The following RHBDD1 variants were observed in gnomAD, a reference collection of about 807,000 sequenced individuals.
RHBDD1 encodes rhomboid-related protein 4.
In RHBDD1, 38 loss-of-function variants were observed where a neutral mutation model predicts 36.3. That is an observed-to-expected ratio of 1.05 (90% CI 0.81 to 1.37). The LOEUF (loss-of-function observed/expected upper bound fraction) is 1.37. Ranked by LOEUF, RHBDD1 falls within the 40% of genes most tolerant of loss-of-function variation. The pLI is 0.00. For synonymous variants in RHBDD1, 151 were observed against 136.5 expected (o/e 1.11, Z -0.74); for missense variants, 393 against 377.6 (o/e 1.04, Z -0.34).
chr2:226,816,390 A>AAG, the RHBDD1 span, among the ~76,000 whole-genome samples: 40 of 149,390 alleles, frequency 2.7e-4, no homozygotes, highest in African/African-American at 9.6e-4. Context: ...AAAAAAAAAA[A>AAG]AAAAAAGAAA....
At chr2:226,908,569 T>G (rs1575056223) in intron 6 of RHBDD1, 1 of 424,160 alleles carries the variant, frequency 2.4e-6, no homozygotes, top group African/African-American at 2.1e-5. Flanking sequence ...TAAATTAGGG[T>G]TTCATTTTCC....
At chr2:226,817,639 C>T in the RHBDD1 span, among the ~76,000 whole-genome samples, 1 of 152,208 alleles carries the variant, frequency 6.6e-6, no homozygotes, top group African/African-American at 2.4e-5. Context: ...CCAAATTCGC[C>T]CTGTTTAAAC....
At chr2:226,843,794 T>G (rs947169686) in intron 3 of RHBDD1, among the ~76,000 whole-genome samples, 2 of 152,126 alleles carry the variant, frequency 1.3e-5, no homozygotes, top group Non-Finnish European at 2.9e-5. Flanking sequence ...ATAGAAGGAG[T>G]TGGGGAGGAG....
chr2:226,945,327 A>C (rs923352326), intron 8 of RHBDD1, among the ~76,000 whole-genome samples: 1 of 151,916 alleles, frequency 6.6e-6, no homozygotes, highest in Non-Finnish European at 1.5e-5. Flanking sequence ...ACGCCCTGAC[A>C]GGCCCGGGTG....
intron 8 of RHBDD1, among the ~76,000 whole-genome samples, chr2:226,931,522 A>G (rs1262762257): frequency 1.3e-5 from 2 of 152,030 alleles, no homozygotes; most frequent in Non-Finnish European, 2.9e-5. Flanking sequence ...TGAGAGATTA[A>G]AAAGCCTACA....
chr2:226,919,809 C>T (rs1031935497), intron 8 of RHBDD1, among the ~76,000 whole-genome samples: 3 of 151,894 alleles, frequency 2.0e-5, no homozygotes, highest in African/African-American at 7.3e-5. Context: ...TATTCTTGGT[C>T]TTCTGTGGTC....
chr2:226,851,979 C>T (rs904778971), intron 3 of RHBDD1, among the ~76,000 whole-genome samples: 2 of 152,208 alleles, frequency 1.3e-5, no homozygotes, highest in African/African-American at 2.4e-5. Flanking sequence ...CTATCCTCCT[C>T]CTCAGTGGCA....
intron 5 of RHBDD1, among the ~76,000 whole-genome samples, chr2:226,903,713 G>T (rs563031710): frequency 1.1e-4 from 16 of 152,240 alleles, no homozygotes; most frequent in Admixed American, 3.9e-4. Context: ...CTCAAGCCTG[G>T]AAACCCACAG....
rs78603898 is a variant in RHBDD1, at chr2:226,967,122, A to T, written c.857-28309A>T. On this transcript the variant is annotated intron_variant, in intron 8 of 8. Transcript: ENST00000392062. ...TCTGGAAATCATCTGAGAACCTGTTATAGAAGATGGACCAACTCTTTGTGA... is the reference window on the plus strand; with the variant it reads ...TCTGGAAATCATCTGAGAACCTGTTTTAGAAGATGGACCAACTCTTTGTGA... Among the ~76,000 whole-genome samples, 871 of 152,312 alleles carry T rather than the reference A, an allele frequency of 5.7e-3. 8 individuals carry two copies. Among genetic ancestry groups the T allele is most frequent in the African/African-American group, 0.02 (846 of 41,562 alleles).
chr2:226,821,989 G>A, the RHBDD1 span, among the ~76,000 whole-genome samples: 1 of 152,048 alleles, frequency 6.6e-6, no homozygotes, highest in African/African-American at 2.4e-5. Flanking sequence ...TAAGTTTCAG[G>A]GGGTTTGAAT....
the RHBDD1 span, among the ~76,000 whole-genome samples, chr2:226,823,976 C>A: frequency 6.6e-6 from 1 of 152,176 alleles, no homozygotes; most frequent in Non-Finnish European, 1.5e-5. Context: ...GTAGGCCCCA[C>A]CTCCCAACGC....
At chr2:226,971,172 C>G (rs972836914) in intron 8 of RHBDD1, among the ~76,000 whole-genome samples, 4 of 152,216 alleles carry the variant, frequency 2.6e-5, no homozygotes, top group African/African-American at 9.6e-5. Flanking sequence ...GCTGTCCCTA[C>G]AGTGGCTGAA....
At chr2:226,903,353 G>A (rs549072024) in intron 5 of RHBDD1, among the ~76,000 whole-genome samples, 81 of 152,194 alleles carry the variant, frequency 5.3e-4, no homozygotes, top group Non-Finnish European at 1.0e-3. Context: ...ATCTCACCCC[G>A]TCTCACCCAG....
intron 8 of RHBDD1, among the ~76,000 whole-genome samples, chr2:226,941,417 G>A (rs1464096479): frequency 1.3e-5 from 2 of 152,236 alleles, no homozygotes; most frequent in African/African-American, 2.4e-5. Context: ...GCCTTTGGAG[G>A]TGTAGGAGAC....
chr2:226,818,579 A>G, the RHBDD1 span, among the ~76,000 whole-genome samples: 1 of 147,280 alleles, frequency 6.8e-6, no homozygotes, highest in Non-Finnish European at 1.5e-5. Context: ...GGTGGCTCAC[A>G]CCTGTAATCC....
chr2:226,986,437 C>T (rs771998990), intron 8 of RHBDD1, among the ~76,000 whole-genome samples: 26 of 151,920 alleles, frequency 1.7e-4, no homozygotes, highest in Middle Eastern at 3.4e-3. Context: ...GCAACTTTTA[C>T]GTAAATTTAA....
chr2:226,860,751 C>CT (rs571388875), intron 3 of RHBDD1, among the ~76,000 whole-genome samples: 95 of 152,154 alleles, frequency 6.2e-4, no homozygotes, highest in Non-Finnish European at 1.1e-3. Context: ...CACTGGGACT[C>CT]TAATGGCCTT....
Position 226,904,418 on chromosome 2 carries a change from G to GT in RHBDD1, c.567-2375_567-2374insT, listed in dbSNP as rs201168633. On this transcript the variant is annotated intron_variant, in intron 5 of 8. Coordinates refer to ENST00000392062, the MANE Select transcript of RHBDD1 (RefSeq NM_001167608.3). ...CACTGTGGCACATCCTGCAAGCGGG[G>GT]GGGGAGGGGGGTCAGGGAACTCCTG... Among the ~76,000 whole-genome samples, 13 of 148,834 alleles carry GT rather than the reference G, an allele frequency of 8.7e-5. 2 individuals are homozygous for GT. The highest frequency in any genetic ancestry group is 3.4e-3 in the Middle Eastern group (1 of 294).
the RHBDD1 span, among the ~76,000 whole-genome samples, chr2:226,827,706 A>G: frequency 6.6e-5 from 10 of 152,250 alleles, no homozygotes; most frequent in Admixed American, 1.3e-4. Flanking sequence ...AACTTCACTT[A>G]AAGCAGATAG....
Sources: allele counts gnomAD v4.1 joint callset (sites outside exome capture counted in the v4.1 genomes callset), GRCh38; gene constraint gnomAD v4.1.1; transcripts MANE v1.5; gene names NCBI Gene and HGNC (gene_info 2026-07-23, HGNC 2026-07-21).